Variants in TMCC1 observed in about 807,000 individuals in gnomAD.
TMCC1 encodes transmembrane and coiled-coil domain family 1, also known as transmembrane and coiled-coil domains protein 1.
TMCC1 carries 15 observed loss-of-function variants against 52.4 expected under a neutral mutation model. The observed-to-expected ratio is 0.29, with a 90% CI of 0.19 to 0.44. The LOEUF (loss-of-function observed/expected upper bound fraction) is 0.44. Among genes scored for constraint, TMCC1 ranks in the 20% least tolerant of loss-of-function variants. TMCC1 has a pLI of 1.00. For missense variants in TMCC1, 503 were observed against 806.0 expected, an observed-to-expected ratio of 0.62 and a Z score of 4.55; for synonymous variants, 279 against 301.9, an observed-to-expected ratio of 0.92 and a Z score of 0.79.
chr3:129,807,080 A>G (rs1052861896), intron 4 of TMCC1, among the ~76,000 whole-genome samples: 1 of 152,202 alleles, frequency 6.6e-6, no homozygotes, highest in Non-Finnish European at 1.5e-5. Context: ...CTAAAAGACT[A>G]CATAAGCTAT....
intron 5 of TMCC1, among the ~76,000 whole-genome samples, chr3:129,665,470 C>T (rs1355497472): frequency 6.6e-6 from 1 of 152,148 alleles, no homozygotes; most frequent in African/African-American, 2.4e-5. Context: ...GTAGGGATTT[C>T]CTTAAGAAGG....
intron 4 of TMCC1, among the ~76,000 whole-genome samples, chr3:129,726,896 A>AAAAAAAAG (rs2050147551): frequency 7.0e-6 from 1 of 143,466 alleles, no homozygotes; most frequent in African/African-American, 2.6e-5. Context: ...AAAAAAAAAA[A>AAAAAAAAG]AAGAACCACT....
intron 6 of TMCC1, among the ~76,000 whole-genome samples, chr3:129,652,527 A>G (rs149869898): frequency 7.8e-4 from 119 of 152,354 alleles, no homozygotes; most frequent in African/African-American, 2.8e-3. Flanking sequence ...GCAGTAAGAC[A>G]TCAAATTATA....
At chr3:129,662,406 T>C (rs1242022357) in intron 5 of TMCC1, among the ~76,000 whole-genome samples, 2 of 152,200 alleles carry the variant, frequency 1.3e-5, no homozygotes, top group East Asian at 1.9e-4. Context: ...TACTGTACCA[T>C]AGGCAACTGC....
intron 1 of TMCC1, among the ~76,000 whole-genome samples, chr3:129,891,042 C>T (rs1354959959): frequency 6.6e-6 from 1 of 152,196 alleles, no homozygotes; most frequent in Non-Finnish European, 1.5e-5. Context: ...TGGGGAAGTT[C>T]AACACTGGAA....
rs371431851 is a variant in TMCC1, at chr3:129,757,490, C to T, written c.576+70313G>A. 5.8e-4 allele frequency among the ~76,000 whole-genome samples: 88 copies of T among 152,246 alleles called. 2 individuals are homozygous for T. The South Asian group carries it at 0.018, about 31-fold the overall frequency. ...CTCTCCTAAAGAGTGGCTATCCTGG[C>T]TTATGACCCCTCTCAACAGAAAGAC... On this transcript the variant is annotated intron_variant, in intron 4 of 6. Coordinates refer to ENST00000393238, the MANE Select transcript of TMCC1 (RefSeq NM_001017395.5).
intron 4 of TMCC1, among the ~76,000 whole-genome samples, chr3:129,809,239 T>C (rs574690752): frequency 1.1e-5 from 1 of 94,512 alleles, no homozygotes; most frequent in South Asian, 4.7e-4. Context: ...AGACCAAGAT[T>C]CCATCTCAAA....
chr3:129,689,238 C>T (rs2089630061), intron 4 of TMCC1, among the ~76,000 whole-genome samples: 1 of 152,208 alleles, frequency 6.6e-6, no homozygotes, highest in Admixed American at 6.5e-5. Context: ...AGCCCAGGCT[C>T]AGCCCCTGTA....
chr3:129,745,644 G>A (rs1235377669), intron 4 of TMCC1, among the ~76,000 whole-genome samples: 1 of 152,030 alleles, frequency 6.6e-6, no homozygotes, highest in Non-Finnish European at 1.5e-5. Context: ...AATAGACACA[G>A]CTGAATCTTT....
rs1025398538 is a variant in TMCC1 at position 129,728,349 on chromosome 3, G to A, written c.577-57085C>T. On this transcript the variant is annotated intron_variant, in intron 4 of 6. Transcript: ENST00000393238. ...CGCCTAGACTGGAGTGCAATGGTGCGATCTTGACTCACTGCAACCTCCGCC... is the reference window on the plus strand; with the variant it reads ...CGCCTAGACTGGAGTGCAATGGTGCAATCTTGACTCACTGCAACCTCCGCC... 3.3e-5 allele frequency among the ~76,000 whole-genome samples: 5 copies of A among 152,090 alleles called. No individual in the cohort carries two copies. In the East Asian group the frequency reaches 5.8e-4, roughly 18 times the overall value.
At chr3:129,663,428 G>T (rs72977238) in intron 5 of TMCC1, among the ~76,000 whole-genome samples, 14,678 of 152,218 alleles carry the variant, frequency 0.096, 827 homozygotes, top group African/African-American at 0.15. Context: ...GCTTCTGCCA[G>T]TGTTTGACCA....
intron 2 of TMCC1, among the ~76,000 whole-genome samples, chr3:129,864,092 T>G (rs188825942): frequency 6.6e-6 from 1 of 152,352 alleles, no homozygotes; most frequent in African/African-American, 2.4e-5. Context: ...TGTGCAGTTC[T>G]GTAAAAGAGT....
At chr3:129,848,623 C>G (rs1402300498) in intron 2 of TMCC1, among the ~76,000 whole-genome samples, 2 of 152,152 alleles carry the variant, frequency 1.3e-5, no homozygotes, top group Non-Finnish European at 2.9e-5. Flanking sequence ...ATACCTGAAC[C>G]CTTATAGTTG....
intron 4 of TMCC1, among the ~76,000 whole-genome samples, chr3:129,757,771 A>T (rs1360857301): frequency 6.6e-6 from 1 of 152,178 alleles, no homozygotes; most frequent in Non-Finnish European, 1.5e-5. Flanking sequence ...TGAAGGTTGC[A>T]GTAAACCCAG....
At chr3:129,702,114 T>C (rs2047881903) in intron 4 of TMCC1, among the ~76,000 whole-genome samples, 1 of 152,090 alleles carries the variant, frequency 6.6e-6, no homozygotes, top group Non-Finnish European at 1.5e-5. Flanking sequence ...CAACAGAAAA[T>C]GTATGTTTAC....
At chr3:129,732,746 G>GT (rs2050640483) in intron 4 of TMCC1, among the ~76,000 whole-genome samples, 1 of 152,132 alleles carries the variant, frequency 6.6e-6, no homozygotes, top group Non-Finnish European at 1.5e-5. Context: ...TCTGAGAATG[G>GT]TTCCCTAAAA....
rs773082114 is a variant in TMCC1, at chr3:129,651,467, C to T, written c.*14G>A. ...CTCGCCAGAGGGTAGGGAACAATGC[C>T]TTCTGTGCCAGCATCATCTAGGGGA... On this transcript the variant is annotated 3_prime_UTR_variant, in exon 7 of 7. Transcript: ENST00000393238. This position sits in a 1 kb window ranked among gnomAD's most constrained non-coding sequence, Gnocchi z 5.1. 2 of 1,608,926 alleles carry T rather than the reference C, an allele frequency of 1.2e-6. No homozygotes were observed. Among genetic ancestry groups the T allele is most frequent in the South Asian group, 1.1e-5 (1 of 90,420 alleles).
intron 3 of TMCC1, among the ~76,000 whole-genome samples, chr3:129,829,857 G>C (rs1459615704): frequency 6.6e-6 from 1 of 152,168 alleles, no homozygotes; most frequent in East Asian, 1.9e-4. Flanking sequence ...CTAAAGTTTT[G>C]TTCCTGATGA....
chr3:129,756,996 C>T (rs1470105018), intron 4 of TMCC1, among the ~76,000 whole-genome samples: 1 of 152,162 alleles, frequency 6.6e-6, no homozygotes, highest in Admixed American at 6.6e-5. Flanking sequence ...TTCTGAAATG[C>T]CTCTCACCCT....
Sources: allele counts gnomAD v4.1 joint callset (sites outside exome capture counted in the v4.1 genomes callset), GRCh38; gene constraint gnomAD v4.1.1; non-coding constraint Gnocchi (gnomAD v3.1); transcripts MANE v1.5; gene names NCBI Gene and HGNC (gene_info 2026-07-23, HGNC 2026-07-21).